PHKA1: variants seen among roughly 807,000 people sequenced by gnomAD.
PHKA1 encodes phosphorylase b kinase regulatory subunit alpha, skeletal muscle isoform.
In PHKA1, 60 loss-of-function variants were observed where a neutral mutation model predicts 110.2. The ratio of observed to expected loss-of-function variants is 0.54; its 90% confidence interval spans 0.44 to 0.68. PHKA1 has a LOEUF of 0.68. PHKA1 is among the 30% of genes least tolerant of loss of function. PHKA1 has a pLI of 0.00. For synonymous variants in PHKA1, 316 were observed against 333.6 expected, an observed-to-expected ratio of 0.95 and a Z score of 0.58; for missense variants, 801 against 942.5, an observed-to-expected ratio of 0.85 and a Z score of 1.97.
At chrX:72,647,769 C>G (rs2053379133) in intron 13 of PHKA1, among the ~76,000 whole-genome samples, 1 of 110,803 alleles carries the variant, frequency 9.0e-6, no homozygotes. Flanking sequence ...GGCTGAGGAA[C>G]AGAAAGAAAT....
chrX:72,709,760 G>A lies in PHKA1; in HGVS notation c.237+3019C>T, dbSNP rs903050627. Among the ~76,000 whole-genome samples the A allele has an allele frequency of 3.6e-5, 4 of 110,498 alleles. No homozygotes were observed. In the South Asian group the frequency reaches 1.6e-3, roughly 43 times the overall value. On this transcript the variant is annotated intron_variant, in intron 2 of 31. Coordinates refer to ENST00000373542, the MANE Select transcript of PHKA1 (RefSeq NM_002637.4). Reference sequence around the variant, plus strand: ...AAGGGTATTTCTTAAAAGATTCCTGGCCGGGTATGGTGGCTCACACCTGTA... The same window carrying A: ...AAGGGTATTTCTTAAAAGATTCCTGACCGGGTATGGTGGCTCACACCTGTA...
chrX:72,706,517 C>T (rs1556332506), intron 2 of PHKA1, among the ~76,000 whole-genome samples: 1 of 111,382 alleles, frequency 9.0e-6, no homozygotes, highest in Non-Finnish European at 1.9e-5. Context: ...TACATGTCAC[C>T]ACATACTCAA....
rs782691237 is a variant in PHKA1, at chrX:72,610,987, C to T, written c.2526+41G>A. 18 of 1,096,663 alleles carry T rather than the reference C, an allele frequency of 1.6e-5. No individual in the cohort carries two copies. In the East Asian group the frequency reaches 2.4e-4, roughly 15 times the overall value. 90.4% of individuals were successfully genotyped at this position (1,096,663 alleles called of 1,213,427 possible). ...TATAGAAACCAATTTTTAAAAAGCA[C>T]GCTTATTTAGATTTGGTATAAATTC... On this transcript the variant is annotated intron_variant, in intron 22 of 31. Coordinates refer to ENST00000373542, the MANE Select transcript of PHKA1 (RefSeq NM_002637.4).
chrX:72,582,789 A>C (rs2052356525), intron 30 of PHKA1, among the ~76,000 whole-genome samples, 191 bp from the exon 31 acceptor site: 1 of 111,971 alleles, frequency 8.9e-6, no homozygotes, highest in Non-Finnish European at 1.9e-5. Flanking sequence ...GAGCTATAAG[A>C]GTGTCCATGC....
intron 28 of PHKA1, among the ~76,000 whole-genome samples, chrX:72,596,328 A>G (rs2052589036): frequency 9.0e-6 from 1 of 111,374 alleles, no homozygotes; most frequent in African/African-American, 3.3e-5. Flanking sequence ...TTCAATGGGT[A>G]TAAAGTTTCA....
chrX:72,605,730 A>C, intron 23 of PHKA1, 111 bp from the exon 24 acceptor site: 2 of 566,307 alleles, frequency 3.5e-6, no homozygotes, highest in Non-Finnish European at 6.0e-6. Flanking sequence ...TCAACATTTC[A>C]TCATTACCAA....
chrX:72,650,645 A>G (rs2053418772), intron 12 of PHKA1, among the ~76,000 whole-genome samples, 177 bp from the exon 13 acceptor site: 1 of 112,464 alleles, frequency 8.9e-6, no homozygotes, highest in African/African-American at 3.2e-5. Flanking sequence ...TTCACACCAC[A>G]ATTCCTTTTA....
At chrX:72,704,554 A>G (rs2054252210) in intron 3 of PHKA1, among the ~76,000 whole-genome samples, 2 of 109,648 alleles carry the variant, frequency 1.8e-5, no homozygotes, top group Non-Finnish European at 3.8e-5. Context: ...AGGGTTTCAA[A>G]TGAGGGTTTT....
rs782020579 is a variant in PHKA1 at position 72,615,608 on chromosome X, C to T, written c.2369+3102G>A. On this transcript the variant is annotated intron_variant, in intron 21 of 31. Coordinates refer to ENST00000373542, the MANE Select transcript of PHKA1 (RefSeq NM_002637.4). ...AATGCAAAAACATATAATAGATATG[C>T]TAAAAATAAAAAGCAAAAAATCAAA... Among the ~76,000 whole-genome samples, 636 of 106,876 alleles carry T rather than the reference C, an allele frequency of 6.0e-3. 8 individuals carry two copies. The highest frequency in any genetic ancestry group is 0.021 in the African/African-American group (608 of 29,236). 92.8% of individuals were successfully genotyped at this position (106,876 alleles called of 115,157 possible).
intron 14 of PHKA1, among the ~76,000 whole-genome samples, 182 bp from the exon 15 acceptor site, chrX:72,636,568 A>G (rs1413610102): frequency 8.9e-6 from 1 of 112,078 alleles, no homozygotes; most frequent in African/African-American, 3.2e-5. Context: ...TAGCATTCTG[A>G]AATTGGAATC....
chrX:72,707,845 A>T (rs782288670), intron 2 of PHKA1: 1 of 111,519 alleles, frequency 9.0e-6, no homozygotes, highest in Non-Finnish European at 1.9e-5. Flanking sequence ...AACATCTATT[A>T]TAGGGCCTGG....
At chrX:72,626,437 A>G (rs1164832249) in intron 17 of PHKA1, among the ~76,000 whole-genome samples, 2 of 111,069 alleles carry the variant, frequency 1.8e-5, no homozygotes, top group Non-Finnish European at 3.8e-5. Context: ...AGATCTAGGC[A>G]AAGAACAGGG....
At chrX:72,672,321 T>C (rs2053715319) in intron 6 of PHKA1, among the ~76,000 whole-genome samples, 1 of 111,829 alleles carries the variant, frequency 8.9e-6, no homozygotes, top group Non-Finnish European at 1.9e-5. Context: ...CTGAAATGCC[T>C]TGGGGTCTTT....
At chrX:72,632,168 C>A (rs1321793661) in intron 16 of PHKA1, among the ~76,000 whole-genome samples, 5 of 111,132 alleles carry the variant, frequency 4.5e-5, no homozygotes, top group African/African-American at 1.6e-4. Context: ...ATATATACAC[C>A]CATAAATACA....
At position 72,681,719 on chromosome X, in the gene PHKA1, TG is replaced by T. The variant is rs781785224; in HGVS notation, c.537+2778del. 8.1e-3 allele frequency among the ~76,000 whole-genome samples: 454 copies of T among 55,726 alleles called. 5 individuals carry two copies. Among genetic ancestry groups the T allele is most frequent in the African/African-American group, 0.023 (303 of 13,262 alleles). 48.4% of individuals were successfully genotyped at this position (55,726 alleles called of 115,157 possible). On this transcript the variant is annotated intron_variant, in intron 5 of 31. Transcript: ENST00000373542. ...CCAGCCGCCCCGTCCGGGAGGGAGG[TG>T]GGGGGGTCAGCCCTCCGCCCGGCCA...
chrX:72,681,719 T>TG lies in PHKA1; in HGVS notation c.537+2778dup, dbSNP rs781785224. On this transcript the variant is annotated intron_variant, in intron 5 of 31. Coordinates refer to ENST00000373542, the MANE Select transcript of PHKA1 (RefSeq NM_002637.4). Reference sequence around the variant, plus strand: ...CCAGCCGCCCCGTCCGGGAGGGAGGTGGGGGGGTCAGCCCTCCGCCCGGCC... The same window carrying TG: ...CCAGCCGCCCCGTCCGGGAGGGAGGTGGGGGGGGTCAGCCCTCCGCCCGGCC... Among the ~76,000 whole-genome samples, 26 of 55,775 alleles carry TG rather than the reference T, an allele frequency of 4.7e-4. 1 individual carries two copies. Among genetic ancestry groups the TG allele is most frequent in the Admixed American group, 4.4e-3 (23 of 5,191 alleles). 48.4% of individuals were successfully genotyped at this position (55,775 alleles called of 115,157 possible).
At chrX:72,633,290 C>T (rs1158704068) in intron 16 of PHKA1, among the ~76,000 whole-genome samples, 1 of 110,755 alleles carries the variant, frequency 9.0e-6, no homozygotes, top group Middle Eastern at 4.3e-3. Context: ...GATCGGGGCC[C>T]TTATAAAAGG....
At chrX:72,612,685 T>C (rs1556262657) in intron 21 of PHKA1, among the ~76,000 whole-genome samples, 1 of 111,278 alleles carries the variant, frequency 9.0e-6, no homozygotes, top group Admixed American at 9.6e-5. Context: ...TAGATCTAGA[T>C]TGTGGTAATA....
intron 29 of PHKA1, among the ~76,000 whole-genome samples, chrX:72,585,309 G>C (rs1405532950): frequency 9.0e-6 from 1 of 111,584 alleles, no homozygotes; most frequent in Non-Finnish European, 1.9e-5. Flanking sequence ...AACTCAAAAT[G>C]TATGCTTTTC....
Sources: gnomAD v4.1 joint callset for allele counts (sites outside exome capture counted in the v4.1 genomes callset) on GRCh38, gnomAD v4.1.1 for gene constraint, MANE v1.5 for transcripts, NCBI Gene and HGNC (gene_info 2026-07-23, HGNC 2026-07-21) for gene names.